Variants in AGAP1 observed in about 807,000 individuals in gnomAD.
The protein encoded by AGAP1 is ArfGAP with GTPase domain, ankyrin repeat and PH domain 1, also known as arf-GAP with GTPase, ANK repeat and PH domain-containing protein 1.
In AGAP1, 29 loss-of-function variants were observed where a neutral mutation model predicts 105.3. The observed-to-expected ratio is 0.28, with a 90% CI of 0.21 to 0.38. The LOEUF (loss-of-function observed/expected upper bound fraction) is 0.38. AGAP1 is among the 10% of genes least tolerant of loss of function. The pLI is 1.00. For synonymous variants in AGAP1, 509 were observed against 485.9 expected (o/e 1.05, Z -0.63); for missense variants, 998 against 1,165.1 (o/e 0.86, Z 2.09).
intron 16 of AGAP1, among the ~76,000 whole-genome samples, chr2:236,108,566 A>G (rs2059560906): frequency 6.6e-6 from 1 of 152,180 alleles, no homozygotes; most frequent in Non-Finnish European, 1.5e-5. Flanking sequence ...GACTGTGACA[A>G]GTGGCGGGCA....
chr2:236,016,798 A>T (rs2056719412), intron 13 of AGAP1, among the ~76,000 whole-genome samples: 1 of 152,172 alleles, frequency 6.6e-6, no homozygotes, highest in Non-Finnish European at 1.5e-5. Flanking sequence ...TCCTGGGGAT[A>T]CTAAATAGTG....
At position 235,559,825 on chromosome 2, in the gene AGAP1, T is replaced by C. The variant is rs1185650682; in HGVS notation, c.163+64976T>C. ...GAAATACCTATTCAAATCTTTTGAC[T>C]GTTTTTAAATTGAGTCTTTTTATTG... On this transcript the variant is annotated intron_variant, in intron 1 of 17. Transcript: ENST00000304032. This position sits in a 1 kb window ranked among gnomAD's most constrained non-coding sequence, Gnocchi z 5.7. 6.6e-6 allele frequency among the ~76,000 whole-genome samples: 1 copy of C among 152,154 alleles called. No individual in the cohort carries two copies. The highest frequency in any genetic ancestry group is 1.5e-5 in the Non-Finnish European group (1 of 68,034).
In AGAP1 at chr2:235,625,273, G is replaced by T. The variant is rs1946603175; in HGVS notation, c.164-83906G>T. Among the ~76,000 whole-genome samples, 1 of 152,130 alleles carries T rather than the reference G, an allele frequency of 6.6e-6. No homozygotes were observed. Among genetic ancestry groups the T allele is most frequent in the African/African-American group, 2.4e-5 (1 of 41,420 alleles). Reference sequence around the variant, plus strand: ...TTCAGGGCACCCTACAGGTCACTCAGGCCTCCAACTCTGGGGTGATGCCTT... The same window carrying T: ...TTCAGGGCACCCTACAGGTCACTCATGCCTCCAACTCTGGGGTGATGCCTT... On this transcript the variant is annotated intron_variant, in intron 1 of 17. Transcript: ENST00000304032. This position sits in a 1 kb window ranked among gnomAD's most constrained non-coding sequence, Gnocchi z 4.0.
rs766351120 is a variant in AGAP1 at position 235,875,688 on chromosome 2, C to T, written c.1051-7657C>T. ...TTCCCATCTGCATTTGCTTATGGGG[C>T]GCCATGACACCAACACATGGAGCCA... On this transcript the variant is annotated intron_variant, in intron 9 of 17. Transcript: ENST00000304032. The surrounding 1 kb of genome is among the most constrained non-coding windows in gnomAD (Gnocchi z 4.0). Among the ~76,000 whole-genome samples, 1 of 152,072 alleles carries T rather than the reference C, an allele frequency of 6.6e-6. No individual in the cohort carries two copies. The highest frequency in any genetic ancestry group is 2.4e-5 in the African/African-American group (1 of 41,408).
At position 235,777,140 on chromosome 2, in the gene AGAP1, C is replaced by G. The variant is rs1227119265; in HGVS notation, c.674-20619C>G. 2.2e-6 allele frequency: 1 copy of G among 451,764 alleles called. No homozygotes were observed. The allele number at this position is 451,764 out of a possible 1,614,324, so 28.0% of individuals were successfully genotyped here. ...TTGAGAGGCCAAGGCGGGTGGATCACGAGGTCAGGAGATCGAGACCATCCT... is the reference window on the plus strand; with the variant it reads ...TTGAGAGGCCAAGGCGGGTGGATCAGGAGGTCAGGAGATCGAGACCATCCT... On this transcript the variant is annotated intron_variant, in intron 6 of 17. Coordinates refer to ENST00000304032, the MANE Select transcript of AGAP1 (RefSeq NM_001037131.3). The surrounding 1 kb of genome is among the most constrained non-coding windows in gnomAD (Gnocchi z 5.1).
rs1382174746 is a variant in AGAP1 at position 235,827,401 on chromosome 2, C to T, written c.1050+20070C>T. Among the ~76,000 whole-genome samples the T allele has an allele frequency of 2.0e-5, 3 of 152,074 alleles. No homozygotes were observed. In the East Asian group the frequency reaches 5.8e-4, roughly 29 times the overall value. ...GAGCAGGAGGTAAGGGGGCTGCCGG[C>T]GTAGCTCCAAGGTGATGAATATTTC... On this transcript the variant is annotated intron_variant, in intron 9 of 17. Coordinates refer to ENST00000304032, the MANE Select transcript of AGAP1 (RefSeq NM_001037131.3).
rs767324612 is a variant in AGAP1 at position 235,737,054 on chromosome 2, C to T, written c.311-3909C>T. ...GAATTTTAAAGTGTTACCTACCTGC[C>T]AGCCCAGACTTCTCAAGGCCCAGTG... On this transcript the variant is annotated intron_variant, in intron 3 of 17. Coordinates refer to ENST00000304032, the MANE Select transcript of AGAP1 (RefSeq NM_001037131.3). The surrounding 1 kb of genome is among the most constrained non-coding windows in gnomAD (Gnocchi z 4.5). Among the ~76,000 whole-genome samples, 3 of 152,142 alleles carry T rather than the reference C, an allele frequency of 2.0e-5. No individual in the cohort carries two copies. Among genetic ancestry groups the T allele is most frequent in the Non-Finnish European group, 4.4e-5 (3 of 68,012 alleles).
rs2057739453 is a variant in AGAP1 at position 236,046,984 on chromosome 2, C to A, written c.1892-2075C>A. On this transcript the variant is annotated intron_variant, in intron 15 of 17. Coordinates refer to ENST00000304032, the MANE Select transcript of AGAP1 (RefSeq NM_001037131.3). The surrounding 1 kb of genome is among the most constrained non-coding windows in gnomAD (Gnocchi z 5.2). The stretch of plus-strand genomic sequence containing the variant: ...CTGTGCAAAAAATGTAAGAAGTTAG[C>A]CAGGCATGGTGATGTGCACCTGTAG... 6.6e-6 allele frequency among the ~76,000 whole-genome samples: 1 copy of A among 152,156 alleles called. No homozygotes were observed. The highest frequency in any genetic ancestry group is 2.4e-5 in the African/African-American group (1 of 41,426).
chr2:236,017,717 T>G (rs1233015343), intron 13 of AGAP1, among the ~76,000 whole-genome samples: 1 of 152,230 alleles, frequency 6.6e-6, no homozygotes, highest in African/African-American at 2.4e-5. Flanking sequence ...AGCCAAGGTT[T>G]GAGTCTAAGG....
chr2:235,704,473 C>T (rs764027894), intron 1 of AGAP1, among the ~76,000 whole-genome samples: 46 of 152,214 alleles, frequency 3.0e-4, no homozygotes, highest in Middle Eastern at 6.8e-3. Flanking sequence ...TGGTGAAACC[C>T]CGTCTCTACT....
intron 11 of AGAP1, among the ~76,000 whole-genome samples, chr2:235,913,608 T>C (rs979241581): frequency 2.0e-5 from 3 of 152,212 alleles, no homozygotes; most frequent in African/African-American, 7.2e-5. Context: ...GATGTATGAC[T>C]CCGTTTGTAT....
rs139693985 is a variant in AGAP1, at chr2:235,931,722, C to G, written c.1483+799C>G. Among the ~76,000 whole-genome samples, 118 of 152,196 alleles carry G rather than the reference C, an allele frequency of 7.8e-4. No individual in the cohort carries two copies. The East Asian group carries it at 0.018, about 23-fold the overall frequency. On this transcript the variant is annotated intron_variant, in intron 12 of 17. Coordinates refer to ENST00000304032, the MANE Select transcript of AGAP1 (RefSeq NM_001037131.3). The surrounding 1 kb of genome is among the most constrained non-coding windows in gnomAD (Gnocchi z 5.6). ...GCATCAGGTCTTCCCTGTAGACCCA[C>G]CAGCTGCTGCAGCAGGACGTTTGCT...
chr2:235,878,213 C>G (rs1027117077), intron 9 of AGAP1, among the ~76,000 whole-genome samples: 4 of 152,226 alleles, frequency 2.6e-5, no homozygotes, highest in Non-Finnish European at 4.4e-5. Context: ...CCAGAAGTCA[C>G]AAACACCGCG....
At chr2:235,749,377 C>T (rs1953236961) in intron 5 of AGAP1, among the ~76,000 whole-genome samples, 1 of 149,550 alleles carries the variant, frequency 6.7e-6, no homozygotes, top group Admixed American at 6.6e-5. Context: ...GGCAGCTGAG[C>T]TTAAAAAAAA....
At chr2:235,634,391 A>G (rs1946925365) in intron 1 of AGAP1, among the ~76,000 whole-genome samples, 1 of 152,214 alleles carries the variant, frequency 6.6e-6, no homozygotes, top group African/African-American at 2.4e-5. Flanking sequence ...AGCAACAAAG[A>G]GCTGAGACTT....
intron 16 of AGAP1, among the ~76,000 whole-genome samples, chr2:236,097,921 C>G (rs912855169): frequency 2.6e-5 from 4 of 152,166 alleles, no homozygotes; most frequent in Non-Finnish European, 4.4e-5. Flanking sequence ...TAGTATGTGT[C>G]TTTTGTGCCT....
At chr2:235,694,263 G>A (rs182220767) in intron 1 of AGAP1, among the ~76,000 whole-genome samples, 4,922 of 148,470 alleles carry the variant, frequency 0.033, 249 homozygotes, top group African/African-American at 0.12. Context: ...GCGGATCATG[G>A]GGTCAGGAGA....
Position 235,609,838 on chromosome 2 carries a change from C to T in AGAP1, c.164-99341C>T, listed in dbSNP as rs899698000. 4.6e-5 allele frequency among the ~76,000 whole-genome samples: 7 copies of T among 151,990 alleles called. No individual in the cohort carries two copies. Among genetic ancestry groups the T allele is most frequent in the South Asian group, 2.1e-4 (1 of 4,814 alleles). On this transcript the variant is annotated intron_variant, in intron 1 of 17. Coordinates refer to ENST00000304032, the MANE Select transcript of AGAP1 (RefSeq NM_001037131.3). The surrounding 1 kb of genome is among the most constrained non-coding windows in gnomAD (Gnocchi z 5.1). The stretch of plus-strand genomic sequence containing the variant: ...ATTTGGCGCTTGGCAGGATTGAAGG[C>T]GCAACTCTTGGCTTCGTGTTTCAGA...
rs61111847 is a variant in AGAP1 at position 235,677,906 on chromosome 2, C to CAAAAAAAAA, written c.164-31230_164-31222dup. On this transcript the variant is annotated intron_variant, in intron 1 of 17. Transcript: ENST00000304032. ...CTTTCTGCCCCCATTAGCTCTTTAC[C>CAAAAAAAAA]AAAAAAAAAAAAAAAAAAAAAAAAA... 1.3e-4 allele frequency among the ~76,000 whole-genome samples: 8 copies of CAAAAAAAAA among 62,998 alleles called. 1 individual carries two copies. The highest frequency in any genetic ancestry group is 1.6e-4 in the Non-Finnish European group (5 of 31,058). The allele number at this position is 62,998 out of a possible 152,430, so 41.3% of individuals were successfully genotyped here. A position where few individuals can be genotyped will look rare whatever the true frequency, so the allele number is the denominator to read the frequency against.
Sources: gnomAD v4.1 joint callset for allele counts (sites outside exome capture counted in the v4.1 genomes callset) on GRCh38, gnomAD v4.1.1 for gene constraint, Gnocchi (gnomAD v3.1) non-coding constraint, MANE v1.5 for transcripts, NCBI Gene and HGNC (gene_info 2026-07-23, HGNC 2026-07-21) for gene names.